Variants in SLC35F4 observed in about 807,000 individuals in gnomAD.
The protein encoded by SLC35F4 is solute carrier family 35 member F4, also known as chromosome 14 open reading frame 36.
Under a neutral mutation model 44.2 loss-of-function variants are expected in SLC35F4, and 24 were observed. The observed-to-expected ratio is 0.54, with a 90% CI of 0.39 to 0.76. The LOEUF is 0.76. SLC35F4 is among the 30% of genes least tolerant of loss of function. SLC35F4 has a pLI of 0.00. For synonymous variants in SLC35F4, 238 were observed against 223.6 expected (o/e 1.06, Z -0.57); for missense variants, 562 against 586.1 (o/e 0.96, Z 0.42).
intron 1 of SLC35F4, among the ~76,000 whole-genome samples, chr14:57,768,813 C>T (rs1021978417): frequency 1.3e-5 from 2 of 151,982 alleles, no homozygotes; most frequent in South Asian, 2.1e-4. Flanking sequence ...AGCGCAGTAG[C>T]GCAATCTCGG....
intron 1 of SLC35F4, among the ~76,000 whole-genome samples, chr14:57,874,201 G>T (rs919712271): frequency 6.6e-6 from 1 of 152,036 alleles, no homozygotes; most frequent in African/African-American, 2.4e-5. Context: ...CTCTGGGAAG[G>T]CTTCTCTGCT....
chr14:57,623,635 A>G (rs1194077213), intron 1 of SLC35F4, among the ~76,000 whole-genome samples: 2 of 152,228 alleles, frequency 1.3e-5, no homozygotes, highest in Non-Finnish European at 2.9e-5. Flanking sequence ...ATTAGAACTC[A>G]GGATTAAGAA....
intron 1 of SLC35F4, among the ~76,000 whole-genome samples, chr14:57,735,544 C>T (rs1470411478): frequency 6.6e-6 from 1 of 152,174 alleles, no homozygotes; most frequent in Non-Finnish European, 1.5e-5. Flanking sequence ...ACCACTTAGC[C>T]TCCAGCATGC....
intron 1 of SLC35F4, among the ~76,000 whole-genome samples, chr14:57,747,744 C>A (rs554427489): frequency 2.0e-5 from 3 of 152,264 alleles, no homozygotes; most frequent in African/African-American, 7.2e-5. Flanking sequence ...ATAGTAATTT[C>A]TTGATGTCAT....
chr14:57,777,573 A>G (rs2140723096), intron 1 of SLC35F4, among the ~76,000 whole-genome samples: 1 of 152,222 alleles, frequency 6.6e-6, no homozygotes, highest in South Asian at 2.1e-4. Context: ...TGGGAGCTGA[A>G]AAATGAGAAC....
intron 4 of SLC35F4, among the ~76,000 whole-genome samples, chr14:57,576,916 T>G (rs1211721088): frequency 1.3e-5 from 2 of 152,108 alleles, no homozygotes; most frequent in African/African-American, 4.8e-5. Flanking sequence ...ACAGATTCCT[T>G]GAGGGTGTAA....
intron 1 of SLC35F4, among the ~76,000 whole-genome samples, chr14:57,644,262 C>T (rs1316705613): frequency 2.0e-5 from 3 of 152,318 alleles, no homozygotes; most frequent in Admixed American, 2.0e-4. Context: ...TATTTCTCCA[C>T]ATCCTCTCCA....
Position 57,849,542 on chromosome 14 carries a change from A to G in SLC35F4, c.103+16181T>C, listed in dbSNP as rs576448089. ...GGAAGAAAACTTTGTAAAATATAGT[A>G]TTAATATCCTTAAGGAGATAAGAGA... On this transcript the variant is annotated intron_variant, in intron 1 of 7. Transcript: ENST00000556826. Among the ~76,000 whole-genome samples, 3 of 152,350 alleles carry G rather than the reference A, an allele frequency of 2.0e-5. 1 individual carries two copies. Among genetic ancestry groups the G allele is most frequent in the African/African-American group, 7.2e-5 (3 of 41,582 alleles).
chr14:57,748,819 A>G (rs1378710455), intron 1 of SLC35F4, among the ~76,000 whole-genome samples: 1 of 152,204 alleles, frequency 6.6e-6, no homozygotes, highest in African/African-American at 2.4e-5. Flanking sequence ...GAGAAAAGCC[A>G]TGTGTATAGC....
intron 1 of SLC35F4, among the ~76,000 whole-genome samples, chr14:57,679,613 T>G (rs189941510): frequency 1.3e-5 from 2 of 151,832 alleles, no homozygotes; most frequent in South Asian, 4.2e-4. Flanking sequence ...ATTAACAAAA[T>G]AGTAGACCAG....
At chr14:57,736,285 T>G (rs1031202120) in intron 1 of SLC35F4, among the ~76,000 whole-genome samples, 3 of 152,180 alleles carry the variant, frequency 2.0e-5, no homozygotes, top group Non-Finnish European at 4.4e-5. Flanking sequence ...TTAAAAATCC[T>G]TTACCCCAAT....
intron 1 of SLC35F4, among the ~76,000 whole-genome samples, chr14:57,752,653 G>A (rs1184982277): frequency 2.0e-5 from 3 of 152,022 alleles, no homozygotes; most frequent in Non-Finnish European, 4.4e-5. Context: ...TAGAGATGGA[G>A]TTTCACCACG....
chr14:57,756,834 T>TA (rs1477578787), intron 1 of SLC35F4, among the ~76,000 whole-genome samples: 4 of 151,600 alleles, frequency 2.6e-5, no homozygotes, highest in Admixed American at 2.6e-4. Flanking sequence ...TTTTTTTTTT[T>TA]AATTTTTTGT....
chr14:57,942,858 C>T (rs1889939111), intron 1 of SLC35F4, among the ~76,000 whole-genome samples: 1 of 152,152 alleles, frequency 6.6e-6, no homozygotes, highest in Admixed American at 6.5e-5. Context: ...TCTGACCTTT[C>T]CAACTGCCAG....
At chr14:57,702,832 A>G (rs548799244) in intron 1 of SLC35F4, among the ~76,000 whole-genome samples, 1 of 152,296 alleles carries the variant, frequency 6.6e-6, no homozygotes, top group East Asian at 1.9e-4. Flanking sequence ...TTAGGCATAT[A>G]AGGAGATGCT....
At chr14:57,917,947 G>A (rs1889362784) in intron 1 of SLC35F4, among the ~76,000 whole-genome samples, 2 of 152,180 alleles carry the variant, frequency 1.3e-5, no homozygotes, top group Admixed American at 1.3e-4. Flanking sequence ...GTGACAGGAT[G>A]GCTAGAAGGG....
At chr14:57,566,591 A>T in intron 6 of SLC35F4, 27 bp from the exon 7 acceptor site, 1 of 1,564,154 alleles carries the variant, frequency 6.4e-7, no homozygotes, top group Non-Finnish European at 8.7e-7. Flanking sequence ...GAAATGCAAG[A>T]TGAAAGAGAA....
chr14:57,611,279 A>C (rs1364875065), intron 1 of SLC35F4, among the ~76,000 whole-genome samples: 2 of 152,220 alleles, frequency 1.3e-5, no homozygotes, highest in African/African-American at 4.8e-5. Flanking sequence ...GGGGATATCA[A>C]GGTACAAATC....
intron 1 of SLC35F4, among the ~76,000 whole-genome samples, chr14:57,912,913 A>G (rs1459242938): frequency 6.6e-6 from 1 of 152,040 alleles, no homozygotes; most frequent in Non-Finnish European, 1.5e-5. Flanking sequence ...CTGAAGTTCT[A>G]TCGGTTTCTT....
Sources: allele counts gnomAD v4.1 joint callset (sites outside exome capture counted in the v4.1 genomes callset), GRCh38; gene constraint gnomAD v4.1.1; transcripts MANE v1.5; gene names NCBI Gene and HGNC (gene_info 2026-07-23, HGNC 2026-07-21).